The following IGF2BP2 variants were observed in gnomAD, a reference collection of about 807,000 sequenced individuals.
IGF2BP2 encodes the protein insulin-like growth factor 2 mRNA-binding protein 2.
A neutral mutation model predicts 75.8 loss-of-function variants in IGF2BP2; 17 were observed. The ratio of observed to expected loss-of-function variants is 0.22; its 90% CI spans 0.15 to 0.34. The LOEUF (loss-of-function observed/expected upper bound fraction) is 0.34. Among genes scored for constraint, IGF2BP2 ranks in the 10% least tolerant of loss-of-function variants. The pLI is 1.00. For missense variants in IGF2BP2, 516 were observed against 772.4 expected (o/e 0.67, Z 3.93); for synonymous variants, 288 against 295.6 (o/e 0.97, Z 0.26).
At chr3:185,797,110 C>G (rs911217783) in intron 2 of IGF2BP2, among the ~76,000 whole-genome samples, 1 of 152,178 alleles carries the variant, frequency 6.6e-6, no homozygotes, top group African/African-American at 2.4e-5. Context: ...GCTTTCTACT[C>G]CAGGGACAAG....
At chr3:185,794,839 C>A (rs1737136687) in intron 2 of IGF2BP2, among the ~76,000 whole-genome samples, 1 of 152,066 alleles carries the variant, frequency 6.6e-6, no homozygotes, top group South Asian at 2.1e-4. Context: ...CCTTCTCTAG[C>A]CCCTGGCAAC....
intron 13 of IGF2BP2, among the ~76,000 whole-genome samples, chr3:185,651,664 G>C (rs1158818374): frequency 6.6e-6 from 1 of 151,934 alleles, no homozygotes; most frequent in Non-Finnish European, 1.5e-5. Context: ...TTTTCCTAGG[G>C]AAGAAAAAAA....
chr3:185,745,229 T>C (rs959321153), intron 2 of IGF2BP2, among the ~76,000 whole-genome samples: 4 of 152,096 alleles, frequency 2.6e-5, no homozygotes, highest in Non-Finnish European at 5.9e-5. Context: ...CAATCCTAAA[T>C]AGAGGAATGG....
At chr3:185,812,418 A>G (rs1287868293) in intron 2 of IGF2BP2, among the ~76,000 whole-genome samples, 1 of 152,258 alleles carries the variant, frequency 6.6e-6, no homozygotes, top group Non-Finnish European at 1.5e-5. Context: ...TGACTATAGA[A>G]AAATCCATAG....
intron 2 of IGF2BP2, among the ~76,000 whole-genome samples, chr3:185,765,853 T>C (rs1321132588): frequency 6.6e-6 from 1 of 152,180 alleles, no homozygotes; most frequent in African/African-American, 2.4e-5. Context: ...TAACAAGATT[T>C]TGGGGGGAAA....
intron 2 of IGF2BP2, chr3:185,821,138 C>T: frequency 6.8e-7 from 1 of 1,472,708 alleles, no homozygotes; most frequent in Non-Finnish European, 8.9e-7. Context: ...GCCTGCAGTA[C>T]AAGTAGCTAA....
chr3:185,664,496 G>A (rs1329856334), intron 10 of IGF2BP2, among the ~76,000 whole-genome samples: 1 of 152,212 alleles, frequency 6.6e-6, no homozygotes, highest in Non-Finnish European at 1.5e-5. Flanking sequence ...AATGACCCGA[G>A]TGAATTAATG....
At chr3:185,688,546 T>A (rs924945210) in intron 6 of IGF2BP2, among the ~76,000 whole-genome samples, 4 of 152,210 alleles carry the variant, frequency 2.6e-5, no homozygotes, top group Non-Finnish European at 5.9e-5. Context: ...TTTCACCATG[T>A]TAGCCAGGCT....
At chr3:185,737,070 T>A (rs1728952720) in intron 2 of IGF2BP2, among the ~76,000 whole-genome samples, 1 of 152,276 alleles carries the variant, frequency 6.6e-6, no homozygotes, top group Admixed American at 6.5e-5. Context: ...TTAATTTGTA[T>A]TTCTTTTTAT....
At chr3:185,720,512 G>A (rs1313372354) in intron 2 of IGF2BP2, among the ~76,000 whole-genome samples, 1 of 152,160 alleles carries the variant, frequency 6.6e-6, no homozygotes, top group African/African-American at 2.4e-5. Flanking sequence ...AACGGAAATT[G>A]GAAAGGATGC....
intron 7 of IGF2BP2, among the ~76,000 whole-genome samples, chr3:185,682,720 A>G (rs1362813371): frequency 1.3e-5 from 2 of 152,252 alleles, no homozygotes; most frequent in Non-Finnish European, 2.9e-5. Context: ...TCAGAGAAAT[A>G]CAAATCAAGA....
At position 185,669,074 on chromosome 3, in the gene IGF2BP2, T is replaced by C. The variant is rs185193756; in HGVS notation, c.1200+3467A>G. Among the ~76,000 whole-genome samples, 588 of 152,250 alleles carry C rather than the reference T, an allele frequency of 3.9e-3. 2 individuals are homozygous for C. Among genetic ancestry groups the C allele is most frequent in the African/African-American group, 0.013 (552 of 41,550 alleles). Reference sequence around the variant, plus strand: ...TTTAGTCATATAATTTAAAAAAGCATATATTTTAAAACATCAGACTGCGAG... The same window carrying C: ...TTTAGTCATATAATTTAAAAAAGCACATATTTTAAAACATCAGACTGCGAG... On this transcript the variant is annotated intron_variant, in intron 10 of 15. Transcript: ENST00000382199.
chr3:185,721,391 G>A (rs1055542237), intron 2 of IGF2BP2, among the ~76,000 whole-genome samples: 2 of 151,850 alleles, frequency 1.3e-5, no homozygotes, highest in Admixed American at 6.6e-5. Flanking sequence ...TAGTAGAGAC[G>A]GGGTTTTACC....
intron 2 of IGF2BP2, among the ~76,000 whole-genome samples, chr3:185,780,356 T>A (rs112442551): frequency 1.3e-3 from 201 of 152,334 alleles, no homozygotes; most frequent in African/African-American, 4.7e-3. Context: ...ACTTATCACC[T>A]GTGGGACAAA....
intron 2 of IGF2BP2, chr3:185,728,144 A>G (rs1727617749): frequency 6.6e-6 from 1 of 152,314 alleles, no homozygotes; most frequent in Non-Finnish European, 1.5e-5. Flanking sequence ...ACCCCAGCCT[A>G]TGAGAGGCAA....
intron 2 of IGF2BP2, among the ~76,000 whole-genome samples, chr3:185,782,385 T>C (rs1037258160): frequency 1.3e-4 from 20 of 152,146 alleles, no homozygotes; most frequent in African/African-American, 4.3e-4. Context: ...CTGTATCACA[T>C]TGATATTCAA....
At chr3:185,758,887 C>T (rs903922760) in intron 2 of IGF2BP2, among the ~76,000 whole-genome samples, 3 of 152,150 alleles carry the variant, frequency 2.0e-5, no homozygotes, top group Non-Finnish European at 4.4e-5. Context: ...TAGAGCTCCA[C>T]GGTAGGAGAT....
At chr3:185,750,126 T>G (rs1204942831) in intron 2 of IGF2BP2, among the ~76,000 whole-genome samples, 2 of 152,170 alleles carry the variant, frequency 1.3e-5, no homozygotes, top group Non-Finnish European at 2.9e-5. Flanking sequence ...AATTTGCATT[T>G]CTAACAAGGT....
intron 2 of IGF2BP2, among the ~76,000 whole-genome samples, chr3:185,783,375 G>C (rs565085117): frequency 2.0e-5 from 3 of 152,094 alleles, no homozygotes; most frequent in African/African-American, 4.8e-5. Context: ...TCTGCACAGG[G>C]GAAGAAGGAC....
Sources: allele counts gnomAD v4.1 joint callset (sites outside exome capture counted in the v4.1 genomes callset), GRCh38; gene constraint gnomAD v4.1.1; transcripts MANE v1.5; gene names NCBI Gene and HGNC (gene_info 2026-07-23, HGNC 2026-07-21).